The following PCDHGA4 variants were observed in gnomAD, a reference collection of about 807,000 sequenced individuals.
PCDHGA4 encodes the protein protocadherin gamma subfamily A, 4.
A neutral mutation model predicts 54.6 loss-of-function variants in PCDHGA4; 38 were observed. That is an observed-to-expected ratio of 0.70 (90% CI 0.54 to 0.91). The LOEUF is 0.91. PCDHGA4 is among the 40% of genes least tolerant of loss of function. PCDHGA4 has a pLI of 0.00. For missense variants in PCDHGA4, 1,298 were observed against 1,220.9 expected (o/e 1.06, Z -0.94); for synonymous variants, 511 against 512.9 (o/e 1.00, Z 0.05).
chr5:141,434,429 C>T (rs1379210960), intron 1 of PCDHGA4, among the ~76,000 whole-genome samples: 2 of 152,152 alleles, frequency 1.3e-5, no homozygotes, highest in Admixed American at 6.5e-5. Flanking sequence ...TCATGATGGC[C>T]GTAATGCCCA....
In PCDHGA4 at chr5:141,486,444, T is replaced by C. The variant is rs769032995; in HGVS notation, c.2515-8363T>C. 2 of 1,614,086 alleles carry C rather than the reference T, an allele frequency of 1.2e-6. No individual in the cohort carries two copies. On this transcript the variant is annotated intron_variant, in intron 1 of 3. Transcript: ENST00000571252. This position sits in a 1 kb window ranked among gnomAD's most constrained non-coding sequence, Gnocchi z 5.0. ...GAGGCCAAATCTAGCTATGACATCA[T>C]GGTCACTGCTTCTGATGCTGGGAAC...
intron 1 of PCDHGA4, among the ~76,000 whole-genome samples, chr5:141,466,351 A>G (rs897901821): frequency 6.6e-6 from 1 of 152,050 alleles, no homozygotes; most frequent in African/African-American, 2.4e-5. Context: ...TTTTGCAGCT[A>G]ATCTAGATGT....
At chr5:141,422,862 C>T in intron 1 of PCDHGA4, 1 of 1,614,270 alleles carries the variant, frequency 6.2e-7, no homozygotes, top group Non-Finnish European at 8.5e-7. Flanking sequence ...CCCTCAGCAG[C>T]AACGTGTCGC....
chr5:141,434,044 A>T (rs2097670450), intron 1 of PCDHGA4, among the ~76,000 whole-genome samples: 2 of 152,132 alleles, frequency 1.3e-5, no homozygotes, highest in South Asian at 4.1e-4. Flanking sequence ...TTTCTATTTT[A>T]TTCAATGGCC....
rs1311776295 is a variant in PCDHGA4, at chr5:141,487,582, C to G, written c.2515-7225C>G. 1.2e-6 allele frequency: 2 copies of G among 1,614,088 alleles called. No homozygotes were observed. The highest frequency in any genetic ancestry group is 2.7e-5 in the African/African-American group (2 of 74,934). ...TGGCAGGGGAGCCTGTTCGCCCAAG[C>G]TGCCCACCCTCTGATCTTCTCTATG... is the stretch of plus-strand genomic sequence containing the variant. On this transcript the variant is annotated intron_variant, in intron 1 of 3. Transcript: ENST00000571252. The surrounding 1 kb of genome is among the most constrained non-coding windows in gnomAD (Gnocchi z 5.0).
intron 1 of PCDHGA4, chr5:141,370,244 A>G: frequency 1.6e-6 from 1 of 633,826 alleles, no homozygotes; most frequent in Non-Finnish European, 2.6e-6. Context: ...AGAAAAGTGC[A>G]CTCTCTATCA....
intron 1 of PCDHGA4, among the ~76,000 whole-genome samples, chr5:141,470,624 A>G (rs1421700811): frequency 6.6e-6 from 1 of 152,220 alleles, no homozygotes; most frequent in Non-Finnish European, 1.5e-5. Flanking sequence ...TCATGCTTAG[A>G]TAGGCCCCCT....
In PCDHGA4 at chr5:141,405,631, C is replaced by T. The variant is rs150331884; in HGVS notation, c.2514+48010C>T. The T allele has an allele frequency of 4.9e-3, 2,596 of 530,826 alleles. 48 individuals carry two copies. The highest frequency in any genetic ancestry group is 0.045 in the African/African-American group (2,348 of 52,012). The allele number at this position is 530,826 out of a possible 1,614,324, so 32.9% of individuals were successfully genotyped here. ...CTGGGACTACAGGCACGTGCCACCA[C>T]GCCCGGCTAATTTTTTGTGTGTTTT... is the stretch of plus-strand genomic sequence containing the variant. On this transcript the variant is annotated intron_variant, in intron 1 of 3. Transcript: ENST00000571252.
At chr5:141,503,555 C>T (rs1010409481) in intron 2 of PCDHGA4, among the ~76,000 whole-genome samples, 2 of 148,816 alleles carry the variant, frequency 1.3e-5, no homozygotes, top group African/African-American at 5.0e-5. Context: ...GCCGAGATCG[C>T]GCCACTGTAC....
chr5:141,419,701 C>T (rs1268060859), intron 1 of PCDHGA4: 7 of 1,612,860 alleles, frequency 4.3e-6, no homozygotes, highest in Non-Finnish European at 5.9e-6. Flanking sequence ...CCAGTGAGCC[C>T]GGGCTCTTCA....
At chr5:141,433,044 A>T in intron 1 of PCDHGA4, 2 of 1,613,972 alleles carry the variant, frequency 1.2e-6, no homozygotes, top group Non-Finnish European at 8.5e-7. Flanking sequence ...CTCACCACGG[A>T]CTCGCGGAAG....
chr5:141,383,453 G>C lies in PCDHGA4; in HGVS notation c.2514+25832G>C, dbSNP rs116033027. 4.2e-4 allele frequency: 670 copies of C among 1,613,934 alleles called. 4 individuals are homozygous for C. The African/African-American group carries it at 7.6e-3, about 18-fold the overall frequency. The stretch of plus-strand genomic sequence containing the variant: ...CACTTCTCCCTGGCTGTGCAAAGTG[G>C]AGACGATGAAACTAAGTACCCGGAA... On this transcript the variant is annotated intron_variant, in intron 1 of 3. Coordinates refer to ENST00000571252, the MANE Select transcript of PCDHGA4 (RefSeq NM_018917.4).
intron 1 of PCDHGA4, among the ~76,000 whole-genome samples, chr5:141,400,820 G>A (rs1419111099): frequency 6.6e-6 from 1 of 152,082 alleles, no homozygotes; most frequent in African/African-American, 2.4e-5. Context: ...TTACCTATTC[G>A]TTGTCTCATT....
In PCDHGA4 at chr5:141,395,061, C is replaced by G. The variant is rs751602382; in HGVS notation, c.2514+37440C>G. 1.5e-5 allele frequency: 25 copies of G among 1,614,158 alleles called. No individual in the cohort carries two copies. In the African/African-American group the frequency reaches 3.2e-4, roughly 21 times the overall value. On this transcript the variant is annotated intron_variant, in intron 1 of 3. Coordinates refer to ENST00000571252, the MANE Select transcript of PCDHGA4 (RefSeq NM_018917.4). ...GGGTGTTGAGGAGGTACAGGCTTTCCTGCAGACCTATTCCCAGGAAGTCTC... is the reference window on the plus strand; with the variant it reads ...GGGTGTTGAGGAGGTACAGGCTTTCGTGCAGACCTATTCCCAGGAAGTCTC...
At chr5:141,404,950 C>T (rs2094588760) in intron 1 of PCDHGA4, 2 of 1,613,968 alleles carry the variant, frequency 1.2e-6, no homozygotes, top group East Asian at 4.5e-5. Flanking sequence ...CCATAGCTGA[C>T]AGCATCCCAG....
Position 141,355,869 on chromosome 5 carries a change from T to C in PCDHGA4, c.762T>C (p.Ser254=), listed in dbSNP as rs1354052065. 3.1e-6 allele frequency: 5 copies of C among 1,613,064 alleles called. No individual in the cohort carries two copies. The highest frequency in any genetic ancestry group is 1.1e-5 in the South Asian group (1 of 90,910). Reference sequence around the variant, plus strand: ...TCGATGGAGGTGACCCGGTTCGCTCTGGCACTGCCAGGATTCTCATAATAC... The same window carrying C: ...TCGATGGAGGTGACCCGGTTCGCTCCGGCACTGCCAGGATTCTCATAATAC... ...TAFDGGDPVR[S]GTARILIILV... Residue 254 remains serine (S), a synonymous_variant, in exon 1 of 4, where the codon TCT becomes TCC. Transcript: ENST00000571252.
intron 1 of PCDHGA4, chr5:141,414,994 T>G (rs1390374290): frequency 6.2e-7 from 1 of 1,613,744 alleles, no homozygotes; most frequent in South Asian, 1.1e-5. Flanking sequence ...CCAGAACGCC[T>G]GGCTGTCCTA....
rs150123769 is a variant in PCDHGA4 at position 141,361,160 on chromosome 5, A to T, written c.2514+3539A>T. ...CAAGTTGAAATTCTTGATGACAACG[A>T]TTGTGCACCTGAAGTTATTGTGACT... On this transcript the variant is annotated intron_variant, in intron 1 of 3. Coordinates refer to ENST00000571252, the MANE Select transcript of PCDHGA4 (RefSeq NM_018917.4). 21 of 1,613,952 alleles carry T rather than the reference A, an allele frequency of 1.3e-5. 1 individual carries two copies. In the African/African-American group the frequency reaches 2.3e-4, roughly 17 times the overall value.
At chr5:141,406,908 A>G (rs1256233458) in intron 1 of PCDHGA4, among the ~76,000 whole-genome samples, 2 of 152,204 alleles carry the variant, frequency 1.3e-5, no homozygotes, top group Non-Finnish European at 2.9e-5. Flanking sequence ...GTTTTTAGCT[A>G]TAAGGAAGAG....
Sources: allele counts gnomAD v4.1 joint callset (sites outside exome capture counted in the v4.1 genomes callset), GRCh38; gene constraint gnomAD v4.1.1; non-coding constraint Gnocchi (gnomAD v3.1); transcripts MANE v1.5; gene names NCBI Gene and HGNC (gene_info 2026-07-23, HGNC 2026-07-21).